PVT1: variants seen among roughly 807,000 people sequenced by gnomAD.
PVT1 encodes the protein Pvt1 oncogene, also known as CXCR4/PVT1 fusion.
At chr8:128,042,399 C>G (rs565793249) in intron 4 of PVT1, among the ~76,000 whole-genome samples, 3 of 152,228 alleles carry the variant, frequency 2.0e-5, no homozygotes, top group East Asian at 3.9e-4. Flanking sequence ...GATGACCAGG[C>G]CTGGGCTAAT....
intron 2 of PVT1, among the ~76,000 whole-genome samples, chr8:127,849,424 G>A (rs1163818991): frequency 6.6e-6 from 1 of 152,106 alleles, no homozygotes; most frequent in African/African-American, 2.4e-5. Context: ...TTCGAAACAA[G>A]GTGTTCCCAG....
chr8:127,947,866 G>T (rs769303626), intron 3 of PVT1: 1 of 456,546 alleles, frequency 2.2e-6, no homozygotes, highest in South Asian at 1.5e-5. Context: ...ATACCCTCTT[G>T]TAAGAGCCTT....
intron 6 of PVT1, among the ~76,000 whole-genome samples, chr8:128,097,586 A>C (rs2130177373): frequency 6.6e-6 from 1 of 152,192 alleles, no homozygotes; most frequent in African/African-American, 2.4e-5. Flanking sequence ...TACTGACCAC[A>C]CCCCAGGCTC....
intron 4 of PVT1, among the ~76,000 whole-genome samples, chr8:128,026,703 G>A (rs1316097171): frequency 6.6e-6 from 1 of 152,186 alleles, no homozygotes; most frequent in Non-Finnish European, 1.5e-5. Context: ...TGCTGATCCT[G>A]TTCGAGAGGC....
intron 2 of PVT1, among the ~76,000 whole-genome samples, chr8:127,872,087 C>T (rs1459458244): frequency 6.8e-6 from 1 of 146,276 alleles, no homozygotes; most frequent in Admixed American, 6.8e-5. Flanking sequence ...AGTGAGACTC[C>T]GTCTCAAAAA....
intron 4 of PVT1, among the ~76,000 whole-genome samples, chr8:128,007,545 T>C (rs574097684): frequency 6.6e-6 from 1 of 152,336 alleles, no homozygotes; most frequent in Admixed American, 6.5e-5. Flanking sequence ...AATTGGCCCA[T>C]TTTTGTAGGA....
chr8:127,974,083 A>G (rs1276633061), intron 3 of PVT1, among the ~76,000 whole-genome samples: 2 of 152,014 alleles, frequency 1.3e-5, no homozygotes, highest in Admixed American at 6.6e-5. Context: ...AATTACACAG[A>G]TTGGGTTTTT....
At chr8:127,834,644 T>C (rs1814889320) in intron 2 of PVT1, among the ~76,000 whole-genome samples, 1 of 152,076 alleles carries the variant, frequency 6.6e-6, no homozygotes, top group African/African-American at 2.4e-5. Context: ...ACCTACAGAA[T>C]GGGAGAAAAT....
chr8:127,820,709 T>G (rs1449119099), intron 2 of PVT1, among the ~76,000 whole-genome samples: 1 of 152,010 alleles, frequency 6.6e-6, no homozygotes. Flanking sequence ...TTTGTTTTTT[T>G]TTTTTCTTTT....
At chr8:128,077,570 A>G (rs1349827316) in intron 5 of PVT1, among the ~76,000 whole-genome samples, 1 of 152,214 alleles carries the variant, frequency 6.6e-6, no homozygotes, top group Non-Finnish European at 1.5e-5. Flanking sequence ...TTTCACATTA[A>G]CCAAGATAAA....
chr8:127,830,549 G>A (rs1458195344), intron 2 of PVT1, among the ~76,000 whole-genome samples: 1 of 152,044 alleles, frequency 6.6e-6, no homozygotes, highest in Non-Finnish European at 1.5e-5. Context: ...ACTTGCACAC[G>A]GATTGGATAT....
chr8:128,097,894 C>T (rs1275174831), intron 6 of PVT1, among the ~76,000 whole-genome samples: 1 of 152,130 alleles, frequency 6.6e-6, no homozygotes, highest in Non-Finnish European at 1.5e-5. Flanking sequence ...TTTTGCACCC[C>T]AGCCTGCCCC....
chr8:127,806,926 T>C (rs557058366), intron 2 of PVT1, among the ~76,000 whole-genome samples: 1 of 152,324 alleles, frequency 6.6e-6, no homozygotes, highest in South Asian at 2.1e-4. Context: ...TATACCACTG[T>C]TTGTTTATCT....
chr8:128,025,079 A>G (rs902434207), intron 4 of PVT1, among the ~76,000 whole-genome samples: 1 of 152,206 alleles, frequency 6.6e-6, no homozygotes, highest in African/African-American at 2.4e-5. Flanking sequence ...GCATCTACCT[A>G]TCCTTCGTTC....
chr8:127,873,122 G>A (rs35294273), intron 2 of PVT1, among the ~76,000 whole-genome samples: 5,291 of 152,236 alleles, frequency 0.035, 119 homozygotes, highest in Middle Eastern at 0.051. Context: ...AGCCTGGAGC[G>A]CCTATGGTGT....
chr8:127,823,562 A>G (rs1249155965), intron 2 of PVT1, among the ~76,000 whole-genome samples: 1 of 152,254 alleles, frequency 6.6e-6, no homozygotes, highest in South Asian at 2.1e-4. Context: ...GAATAAGCTC[A>G]TGTTGCTCCT....
intron 4 of PVT1, among the ~76,000 whole-genome samples, chr8:127,990,204 C>A (rs372175778): frequency 5.9e-5 from 9 of 152,270 alleles, no homozygotes; most frequent in East Asian, 5.8e-4. Context: ...TGATTCCCCC[C>A]TCCCCTGGAC....
At chr8:127,833,032 A>T (rs1009442291) in intron 2 of PVT1, among the ~76,000 whole-genome samples, 2 of 151,808 alleles carry the variant, frequency 1.3e-5, no homozygotes, top group Admixed American at 6.6e-5. Context: ...ATCTCCCCCC[A>T]CCTCCCCAGA....
At chr8:128,098,692 G>A (rs945291523) in intron 6 of PVT1, among the ~76,000 whole-genome samples, 27 of 152,152 alleles carry the variant, frequency 1.8e-4, no homozygotes, top group Admixed American at 1.5e-3. Context: ...GTAAGCACTC[G>A]GTGTGAAATT....
Sources: gnomAD v4.1 joint callset for allele counts (sites outside exome capture counted in the v4.1 genomes callset) on GRCh38, gnomAD v4.1.1 for gene constraint, MANE v1.5 for transcripts, NCBI Gene and HGNC (gene_info 2026-07-23, HGNC 2026-07-21) for gene names.